ADAMTS16: variants seen among roughly 807,000 people sequenced by gnomAD.
The protein encoded by ADAMTS16 is A disintegrin and metalloproteinase with thrombospondin motifs 16.
In ADAMTS16, 94 loss-of-function variants were observed where a neutral mutation model predicts 145.8. That is an observed-to-expected ratio of 0.64 (90% CI 0.55 to 0.77). ADAMTS16 has a LOEUF of 0.77. ADAMTS16 is among the 30% of genes least tolerant of loss of function. The probability of loss-of-function intolerance (pLI) is 0.00; values close to 1 mark genes in which losing one functional copy is unlikely to be tolerated. For synonymous variants in ADAMTS16, 659 were observed against 604.3 expected (o/e 1.09, Z -1.33); for missense variants, 1,585 against 1,591.5 (o/e 1.00, Z 0.07).
intron 4 of ADAMTS16, among the ~76,000 whole-genome samples, chr5:5,184,361 G>A (rs115924741): frequency 2.0e-3 from 309 of 151,966 alleles, no homozygotes; most frequent in African/African-American, 6.9e-3. Context: ...TGGATGTACC[G>A]CAGGGCCTCG....
intron 3 of ADAMTS16, 85 bp from the exon 4 acceptor site, chr5:5,181,959 A>G: frequency 7.0e-7 from 1 of 1,427,730 alleles, no homozygotes; most frequent in East Asian, 2.3e-5. Context: ...AGAGAATAAT[A>G]ACAAATGCAA....
intron 10 of ADAMTS16, among the ~76,000 whole-genome samples, chr5:5,217,644 T>C (rs926421117): frequency 1.3e-5 from 2 of 152,224 alleles, no homozygotes; most frequent in African/African-American, 2.4e-5. Flanking sequence ...TGGGGTGTTA[T>C]GTTGTGGTGT....
rs1204248022 is a variant in ADAMTS16, at chr5:5,269,529, A to G, written c.2789+6746A>G. Among the ~76,000 whole-genome samples the G allele has an allele frequency of 1.3e-5, 2 of 152,010 alleles. No homozygotes were observed. Among genetic ancestry groups the G allele is most frequent in the Non-Finnish European group, 2.9e-5 (2 of 67,998 alleles). The stretch of plus-strand genomic sequence containing the variant: ...CACTCTCCACCTGGGACCTCAGACT[A>G]AAGAGAAGGAAGCAATGACCAGCCC... On this transcript the variant is annotated intron_variant, in intron 18 of 22. Coordinates refer to ENST00000274181, the MANE Select transcript of ADAMTS16 (RefSeq NM_139056.4). This position sits in a 1 kb window ranked among gnomAD's most constrained non-coding sequence, Gnocchi z 4.3.
intron 11 of ADAMTS16, among the ~76,000 whole-genome samples, chr5:5,231,650 C>T (rs899054422): frequency 1.3e-5 from 2 of 152,172 alleles, no homozygotes; most frequent in African/African-American, 2.4e-5. Context: ...AGGGAACCAC[C>T]GCTGTTGGAC....
intron 17 of ADAMTS16, among the ~76,000 whole-genome samples, chr5:5,255,715 C>A (rs901458899): frequency 1.8e-4 from 28 of 152,258 alleles, no homozygotes; most frequent in African/African-American, 2.6e-4. Context: ...ATTTTTAGAA[C>A]CTGTGATACA....
At chr5:5,307,401 G>C (rs1362636132) in intron 21 of ADAMTS16, among the ~76,000 whole-genome samples, 3 of 152,218 alleles carry the variant, frequency 2.0e-5, no homozygotes, top group Non-Finnish European at 4.4e-5. Flanking sequence ...GGGAGAGTGA[G>C]CCTCTTTCTA....
chr5:5,237,244 C>A, intron 14 of ADAMTS16, 145 bp downstream of exon 14: 1 of 804,772 alleles, frequency 1.2e-6, no homozygotes, highest in Non-Finnish European at 1.9e-6. Context: ...GCCAGAAGAA[C>A]ACATTGATGA....
intron 21 of ADAMTS16, among the ~76,000 whole-genome samples, chr5:5,312,346 C>T (rs947169281): frequency 1.3e-5 from 2 of 152,150 alleles, no homozygotes; most frequent in African/African-American, 2.4e-5. Flanking sequence ...CCTTTGCAAG[C>T]ATGTCCTATT....
intron 22 of ADAMTS16, 50 bp from the exon 23 acceptor site, chr5:5,318,973 C>A: frequency 7.4e-7 from 1 of 1,353,824 alleles, no homozygotes; most frequent in South Asian, 1.2e-5. Context: ...CTGGCAACAT[C>A]AGTCGCTGCA....
intron 18 of ADAMTS16, among the ~76,000 whole-genome samples, chr5:5,275,285 T>C (rs371471939): frequency 4.6e-4 from 70 of 152,318 alleles, no homozygotes; most frequent in Middle Eastern, 3.4e-3. Context: ...TTATTTAAAG[T>C]GTTCTTATAT....
At chr5:5,274,654 G>C (rs11950194) in intron 18 of ADAMTS16, among the ~76,000 whole-genome samples, 2,480 of 151,482 alleles carry the variant, frequency 0.016, 78 homozygotes, top group African/African-American at 0.057. Context: ...TTTTATATGT[G>C]TGTGCATGTG....
intron 18 of ADAMTS16, among the ~76,000 whole-genome samples, chr5:5,291,398 C>T (rs552595578): frequency 5.3e-5 from 8 of 152,056 alleles, no homozygotes; most frequent in Non-Finnish European, 8.8e-5. Flanking sequence ...GGAGAAGAGG[C>T]AGGGGACAGG....
At chr5:5,180,340 T>G (rs1735307825) in intron 3 of ADAMTS16, among the ~76,000 whole-genome samples, 1 of 152,214 alleles carries the variant, frequency 6.6e-6, no homozygotes, top group East Asian at 1.9e-4. Flanking sequence ...CAGGAGTAGA[T>G]TGCATTATAA....
Position 5,319,571 on chromosome 5 carries a change from T to G in ADAMTS16, c.*433T>G, listed in dbSNP as rs1734201384. The G allele has an allele frequency of 6.9e-6, 2 of 290,562 alleles. No individual in the cohort carries two copies. The highest frequency in any genetic ancestry group is 6.5e-5 in the South Asian group (2 of 30,936). 18.0% of individuals were successfully genotyped at this position (290,562 alleles called of 1,614,324 possible). A position where few individuals can be genotyped will look rare whatever the true frequency, so the allele number is the denominator to read the frequency against. On this transcript the variant is annotated 3_prime_UTR_variant, in exon 23 of 23. Coordinates refer to ENST00000274181, the MANE Select transcript of ADAMTS16 (RefSeq NM_139056.4). ...ATATGTACCCCCTAGTTCACCAGCCTCCCCTCCCACTAGGAGGGCCCCTCG... is the reference window on the plus strand; with the variant it reads ...ATATGTACCCCCTAGTTCACCAGCCGCCCCTCCCACTAGGAGGGCCCCTCG...
intron 3 of ADAMTS16, among the ~76,000 whole-genome samples, chr5:5,179,382 A>G (rs1735278605): frequency 6.6e-6 from 1 of 152,062 alleles, no homozygotes; most frequent in African/African-American, 2.4e-5. Flanking sequence ...CATATCAAAA[A>G]GTGTTGTTAT....
At chr5:5,248,629 C>T (rs1288448106) in intron 17 of ADAMTS16, among the ~76,000 whole-genome samples, 2 of 152,276 alleles carry the variant, frequency 1.3e-5, no homozygotes, top group East Asian at 3.9e-4. Flanking sequence ...TGCCATTAGT[C>T]AGAGAAATAA....
chr5:5,209,215 A>C lies in ADAMTS16; in HGVS notation c.1574A>C (p.Lys525Thr). The change falls in exon 10 of 23, where the codon AAA (lysine) becomes ACA (threonine). Residue 525 changes from lysine (K) to threonine (T), a missense_variant. Lys to Thr is a moderately conservative substitution (Grantham distance 78). Coordinates refer to ENST00000274181, the MANE Select transcript of ADAMTS16 (RefSeq NM_139056.4). ...NTQCKWQFGE[K>T]AKLCMLDFKK... ...CAGTGCAAGTGGCAGTTCGGAGAGA[A>C]AGCCAAGCTCTGCATGCTGGACTTT... The C allele has an allele frequency of 1.2e-6, 2 of 1,614,024 alleles. No individual in the cohort carries two copies. Among genetic ancestry groups the C allele is most frequent in the South Asian group, 2.2e-5 (2 of 91,062 alleles).
At chr5:5,155,089 C>A (rs1734568229) in intron 3 of ADAMTS16, among the ~76,000 whole-genome samples, 1 of 152,222 alleles carries the variant, frequency 6.6e-6, no homozygotes, top group South Asian at 2.1e-4. Flanking sequence ...AAGGCAGGAT[C>A]TTGCTTTGCC....
At chr5:5,257,504 G>A (rs975575534) in intron 17 of ADAMTS16, among the ~76,000 whole-genome samples, 6 of 152,106 alleles carry the variant, frequency 3.9e-5, no homozygotes, top group African/African-American at 4.8e-5. Flanking sequence ...TGCAAATTGC[G>A]ACGTAATGCA....
Sources: allele counts gnomAD v4.1 joint callset (sites outside exome capture counted in the v4.1 genomes callset), GRCh38; gene constraint gnomAD v4.1.1; non-coding constraint Gnocchi (gnomAD v3.1); transcripts MANE v1.5; gene names NCBI Gene and HGNC (gene_info 2026-07-23, HGNC 2026-07-21).